Variants in FFAR4 observed in about 807,000 individuals in gnomAD.
FFAR4 encodes G-protein coupled receptor 120.
Under a neutral mutation model 27.0 loss-of-function variants are expected in FFAR4, and 19 were observed. That is an observed-to-expected ratio of 0.70 (90% CI 0.49 to 1.03). The LOEUF (loss-of-function observed/expected upper bound fraction) is 1.03. Ranked by LOEUF, FFAR4 falls within the 50% of genes least tolerant of loss-of-function variation. FFAR4 has a pLI of 0.00. For synonymous variants in FFAR4, 254 were observed against 215.6 expected, an observed-to-expected ratio of 1.18 and a Z score of -1.56; for missense variants, 476 against 479.0, an observed-to-expected ratio of 0.99 and a Z score of 0.06.
Position 93,587,294 on chromosome 10 carries a change from G to T in FFAR4, c.771G>T (p.Gln257His), listed in dbSNP as rs764625331. 1 of 1,614,130 alleles carries T rather than the reference G, an allele frequency of 6.2e-7. No homozygotes were observed. The highest frequency in any genetic ancestry group is 8.5e-7 in the Non-Finnish European group (1 of 1,180,008). Reference sequence around the variant, plus strand: ...AGAGCCACCAGATCCGCGTGTCCCAGCAGGACTTCCGGCTCTTCCGCACCC... The same window carrying T: ...AGAGCCACCAGATCCGCGTGTCCCATCAGGACTTCCGGCTCTTCCGCACCC... ...YSESHQIRVS[Q>H]QDFRLFRTLF... is the part of the protein sequence containing the mutation. The change falls in exon 3 of 3, where the codon CAG becomes CAT. Residue 257 changes from glutamine (Q) to histidine (H), a missense_variant. By Grantham distance (24) the Gln-to-His change is conservative. Coordinates refer to ENST00000371481, the MANE Select transcript of FFAR4 (RefSeq NM_001195755.2).
At chr10:93,568,256 G>A (rs1344419225) in intron 1 of FFAR4, among the ~76,000 whole-genome samples, 2 of 152,156 alleles carry the variant, frequency 1.3e-5, no homozygotes, top group African/African-American at 4.8e-5. Context: ...CCGCCGTCTG[G>A]CTGTCTTCCC....
rs1034369560 is a variant in FFAR4 at position 93,588,481 on chromosome 10, C to G, written c.*872C>G. On this transcript the variant is annotated 3_prime_UTR_variant, in exon 3 of 3. Transcript: ENST00000371481. ...AAATGAGAGAGAAAGTAGGATGGCT[C>G]TGAAATGTTTGAGAGTGAGTTCAGG... The G allele has an allele frequency of 1.3e-5, 2 of 151,190 alleles. No individual in the cohort carries two copies. Among genetic ancestry groups the G allele is most frequent in the African/African-American group, 4.9e-5 (2 of 41,084 alleles). 9.4% of individuals were successfully genotyped at this position (151,190 alleles called of 1,614,324 possible). A position where few individuals can be genotyped will look rare whatever the true frequency, so the allele number is the denominator to read the frequency against.
chr10:93,578,086 A>G (rs201899167), intron 2 of FFAR4, among the ~76,000 whole-genome samples: 1 of 152,276 alleles, frequency 6.6e-6, no homozygotes, highest in East Asian at 1.9e-4. Context: ...AAACTGTTAA[A>G]TGCTACACAA....
intron 2 of FFAR4, among the ~76,000 whole-genome samples, chr10:93,579,546 T>C (rs1282351841): frequency 1.3e-5 from 2 of 152,206 alleles, no homozygotes; most frequent in East Asian, 1.9e-4. Flanking sequence ...TTATTTCTCT[T>C]CAAACACTTA....
rs149803824 is a variant in FFAR4, at chr10:93,578,790, G to T, written c.696+2571G>T. Among the ~76,000 whole-genome samples the T allele has an allele frequency of 2.8e-3, 419 of 152,318 alleles. 2 individuals are homozygous for T. The highest frequency in any genetic ancestry group is 9.6e-3 in the African/African-American group (400 of 41,570). ...AAGGTGCTGCTAAGATTTGCAAGAGGATAAACAACAGCCCAGATTTGGAGC... is the reference window on the plus strand; with the variant it reads ...AAGGTGCTGCTAAGATTTGCAAGAGTATAAACAACAGCCCAGATTTGGAGC... On this transcript the variant is annotated intron_variant, in intron 2 of 2. Coordinates refer to ENST00000371481, the MANE Select transcript of FFAR4 (RefSeq NM_001195755.2).
chr10:93,582,810 A>G (rs937907846), intron 2 of FFAR4, among the ~76,000 whole-genome samples: 1 of 152,168 alleles, frequency 6.6e-6, no homozygotes, highest in African/African-American at 2.4e-5. Context: ...TCGGTTCCAC[A>G]TGGCTGGGGA....
At position 93,569,905 on chromosome 10, in the gene FFAR4, A is replaced by G. The variant is rs1482989437; in HGVS notation, c.567+2618A>G. Reference sequence around the variant, plus strand: ...GAAACCCCATCTCTACTAAAAATACAAAAATTAGCTGGGTGTGGTGGCATG... The same window carrying G: ...GAAACCCCATCTCTACTAAAAATACGAAAATTAGCTGGGTGTGGTGGCATG... On this transcript the variant is annotated intron_variant, in intron 1 of 2. Transcript: ENST00000371481. Among the ~76,000 whole-genome samples the G allele has an allele frequency of 2.6e-5, 4 of 151,906 alleles. No individual in the cohort carries two copies. The East Asian group carries it at 7.7e-4, about 29-fold the overall frequency.
In FFAR4 at chr10:93,579,015, A is replaced by T. The variant is rs1040499777; in HGVS notation, c.696+2796A>T. The T allele has an allele frequency of 4.3e-6, 3 of 705,490 alleles. No homozygotes were observed. In the African/African-American group the frequency reaches 5.3e-5, roughly 13 times the overall value. 43.7% of individuals were successfully genotyped at this position (705,490 alleles called of 1,614,324 possible). ...TTCCACCCACCCCCATCTTTTTCTC[A>T]AGGCCAGGGTCCACCTGGAAAAATT... On this transcript the variant is annotated intron_variant, in intron 2 of 2. Coordinates refer to ENST00000371481, the MANE Select transcript of FFAR4 (RefSeq NM_001195755.2).
At chr10:93,581,574 C>T (rs138475421) in intron 2 of FFAR4, among the ~76,000 whole-genome samples, 74 of 152,226 alleles carry the variant, frequency 4.9e-4, no homozygotes, top group Middle Eastern at 3.4e-3. Flanking sequence ...GACTACCCCA[C>T]GGTCTTCAGA....
At chr10:93,585,912 A>G (rs1324977515) in intron 2 of FFAR4, among the ~76,000 whole-genome samples, 1 of 152,184 alleles carries the variant, frequency 6.6e-6, no homozygotes, top group Non-Finnish European at 1.5e-5. Flanking sequence ...TGATCACATC[A>G]TCTTTCCTTA....
chr10:93,580,742 A>G (rs2058192237), intron 2 of FFAR4, among the ~76,000 whole-genome samples: 1 of 152,206 alleles, frequency 6.6e-6, no homozygotes, highest in African/African-American at 2.4e-5. Context: ...GCAAGAATTC[A>G]GAGCAGGCTT....
At chr10:93,573,201 C>T (rs1208153205) in intron 1 of FFAR4, among the ~76,000 whole-genome samples, 1 of 152,226 alleles carries the variant, frequency 6.6e-6, no homozygotes, top group African/African-American at 2.4e-5. Flanking sequence ...TGCTCTTCCT[C>T]ACTGTGGCTT....
At chr10:93,569,994 G>C (rs1589673820) in intron 1 of FFAR4, among the ~76,000 whole-genome samples, 2 of 151,848 alleles carry the variant, frequency 1.3e-5, no homozygotes, top group South Asian at 2.1e-4. Context: ...AGGAGGTGGA[G>C]GTTGCAGTGA....
chr10:93,578,994 AC>A (rs2134549654), intron 2 of FFAR4, among the ~76,000 whole-genome samples: 1 of 152,080 alleles, frequency 6.6e-6, no homozygotes, highest in Non-Finnish European at 1.5e-5. Context: ...ATGATTTTCC[AC>A]CCACCCCCAT....
At chr10:93,584,958 T>G (rs1201703713) in intron 2 of FFAR4, among the ~76,000 whole-genome samples, 1 of 152,190 alleles carries the variant, frequency 6.6e-6, no homozygotes, top group Non-Finnish European at 1.5e-5. Context: ...TCTGCCCGCC[T>G]CAGCCTCCCA....
At chr10:93,579,390 C>T (rs537977227) in intron 2 of FFAR4, among the ~76,000 whole-genome samples, 1 of 152,262 alleles carries the variant, frequency 6.6e-6, no homozygotes, top group Non-Finnish European at 1.5e-5. Flanking sequence ...TACTGCTGCC[C>T]CAGGGCCTTT....
At chr10:93,570,609 C>T (rs2058126522) in intron 1 of FFAR4, among the ~76,000 whole-genome samples, 2 of 152,182 alleles carry the variant, frequency 1.3e-5, no homozygotes, top group African/African-American at 4.8e-5. Flanking sequence ...GCTCCCTCCC[C>T]TCAAGGAGCG....
chr10:93,576,254 C>G, intron 2 of FFAR4, 35 bp downstream of exon 2: 1 of 1,611,662 alleles, frequency 6.2e-7, no homozygotes, highest in African/African-American at 1.3e-5. Context: ...CTGAACTTCA[C>G]CCAGGCTTGG....
At chr10:93,578,416 CAAAAAAAAAAAAAAAAA>C (rs762326870) in intron 2 of FFAR4, among the ~76,000 whole-genome samples, 2 of 60,202 alleles carry the variant, frequency 3.3e-5, no homozygotes, top group African/African-American at 1.2e-4. Context: ...GATTCCCTCT[CAAAAAAAAAAAAAAAAA>C]AAAAAAAACG....
Sources: gnomAD v4.1 joint callset for allele counts (sites outside exome capture counted in the v4.1 genomes callset) on GRCh38, gnomAD v4.1.1 for gene constraint, MANE v1.5 for transcripts, NCBI Gene and HGNC (gene_info 2026-07-23, HGNC 2026-07-21) for gene names.